Variants in PLEKHA6 observed in about 807,000 individuals in gnomAD.
PLEKHA6 encodes the protein pleckstrin homology domain-containing family A member 6.
A neutral mutation model predicts 116.7 loss-of-function variants in PLEKHA6; 60 were observed. That is an observed-to-expected ratio of 0.51 (90% CI 0.42 to 0.64). PLEKHA6 has a LOEUF of 0.64. Ranked by LOEUF, PLEKHA6 falls within the 30% of genes least tolerant of loss-of-function variation. The pLI is 0.00. For synonymous variants in PLEKHA6, 489 were observed against 556.1 expected (o/e 0.88, Z 1.70); for missense variants, 1,338 against 1,422.7 (o/e 0.94, Z 0.96).
rs1198277678 is a variant in PLEKHA6, at chr1:204,247,439, C to G, written c.1846G>C (p.Glu616Gln). 1.9e-6 allele frequency: 3 copies of G among 1,612,656 alleles called. No individual in the cohort carries two copies. The highest frequency in any genetic ancestry group is 2.7e-5 in the African/African-American group (2 of 74,874). ...ATTALTNSTI[E>Q]YEHLESEVSA... ...ACCTCAGACTCGAGGTGCTCATACTCTATGGTGCTGTTTGTCAGGGCCTAC... is the reference window on the plus strand; with the variant it reads ...ACCTCAGACTCGAGGTGCTCATACTGTATGGTGCTGTTTGTCAGGGCCTAC... The change falls in exon 13 of 23, where the codon GAG becomes CAG. Residue 616 changes from glutamate to glutamine, a missense_variant. This residue lies in a region of PLEKHA6 where 1,136 missense variants were observed against 1,163.6 expected (regional missense o/e 0.98). Coordinates refer to ENST00000272203, the MANE Select transcript of PLEKHA6 (RefSeq NM_014935.5).
At chr1:204,330,238 A>C (rs1332455258) in intron 1 of PLEKHA6, among the ~76,000 whole-genome samples, 1 of 152,164 alleles carries the variant, frequency 6.6e-6, no homozygotes, top group Non-Finnish European at 1.5e-5. Flanking sequence ...ACCTCAGATG[A>C]TCTGCCCGCC....
intron 1 of PLEKHA6, among the ~76,000 whole-genome samples, chr1:204,307,604 G>A (rs1432281482): frequency 6.6e-6 from 1 of 152,198 alleles, no homozygotes. Context: ...GAAACTGCAG[G>A]TTGGCCAAGT....
chr1:204,234,022 A>G (rs1450166023), intron 17 of PLEKHA6, among the ~76,000 whole-genome samples: 6 of 152,194 alleles, frequency 3.9e-5, no homozygotes, highest in Non-Finnish European at 7.3e-5. Context: ...ACCCCCAAAA[A>G]GAGATGTCCA....
chr1:204,285,625 G>C (rs1190917619), intron 1 of PLEKHA6, among the ~76,000 whole-genome samples: 1 of 152,132 alleles, frequency 6.6e-6, no homozygotes, highest in East Asian at 1.9e-4. Flanking sequence ...TCAGGCACGG[G>C]CCACCACGCT....
intron 1 of PLEKHA6, among the ~76,000 whole-genome samples, chr1:204,279,236 A>G (rs987303911): frequency 6.6e-6 from 1 of 152,194 alleles, no homozygotes; most frequent in Admixed American, 6.5e-5. Context: ...CTGCAAGTTA[A>G]ATTACTTCTC....
intron 1 of PLEKHA6, chr1:204,297,886 G>A: frequency 1.0e-6 from 1 of 984,950 alleles, no homozygotes; most frequent in Non-Finnish European, 1.2e-6. Flanking sequence ...ATCAATGTGA[G>A]TGATAGAGGG....
intron 5 of PLEKHA6, 48 bp downstream of exon 5, chr1:204,267,427 T>A (rs375344793): frequency 4.6e-6 from 7 of 1,516,028 alleles, no homozygotes; most frequent in Non-Finnish European, 6.4e-6. Flanking sequence ...GAAAGAGTAG[T>A]GGGTCCTGGC....
chr1:204,340,297 C>G (rs1290262751), intron 1 of PLEKHA6, among the ~76,000 whole-genome samples: 5 of 152,176 alleles, frequency 3.3e-5, no homozygotes, highest in African/African-American at 1.2e-4. Context: ...AGGACTCACA[C>G]AAAAGCCACC....
chr1:204,284,402 TG>T, intron 1 of PLEKHA6, among the ~76,000 whole-genome samples: 1 of 152,258 alleles, frequency 6.6e-6, no homozygotes, highest in South Asian at 2.1e-4. Context: ...AGGTGGATTG[TG>T]GGAAATTATG....
At chr1:204,356,955 C>T (rs1558200107) in intron 1 of PLEKHA6, among the ~76,000 whole-genome samples, 1 of 152,172 alleles carries the variant, frequency 6.6e-6, no homozygotes, top group Non-Finnish European at 1.5e-5. Flanking sequence ...AAATGTTCCT[C>T]TTGTGCTATC....
intron 1 of PLEKHA6, chr1:204,280,973 G>A (rs1558131182): frequency 2.0e-6 from 2 of 980,958 alleles, no homozygotes; most frequent in African/African-American, 1.8e-5. Context: ...GGTCAAAGAG[G>A]GTCAGGCCCT....
At chr1:204,351,267 T>C (rs1282486809) in intron 1 of PLEKHA6, among the ~76,000 whole-genome samples, 1 of 152,158 alleles carries the variant, frequency 6.6e-6, no homozygotes, top group Non-Finnish European at 1.5e-5. Context: ...CACCTTTCCC[T>C]TTGACATGTT....
upstream of PLEKHA6, among the ~76,000 whole-genome samples, chr1:204,363,599 C>A: frequency 6.6e-6 from 1 of 152,128 alleles, no homozygotes; most frequent in Non-Finnish European, 1.5e-5. Flanking sequence ...CGGCGGCTTC[C>A]GCAGGAACGC....
At chr1:204,332,759 G>A (rs764932082) in intron 1 of PLEKHA6, among the ~76,000 whole-genome samples, 3 of 152,122 alleles carry the variant, frequency 2.0e-5, no homozygotes, top group African/African-American at 7.2e-5. Flanking sequence ...GACTAATCCC[G>A]GCAGCAGTCC....
chr1:204,288,025 G>C (rs1376220828), intron 1 of PLEKHA6, among the ~76,000 whole-genome samples: 1 of 152,224 alleles, frequency 6.6e-6, no homozygotes, highest in Non-Finnish European at 1.5e-5. Context: ...CTGGCTGATA[G>C]AATGGGTATA....
chr1:204,318,668 C>G (rs2103212109), intron 1 of PLEKHA6, among the ~76,000 whole-genome samples: 2 of 152,282 alleles, frequency 1.3e-5, no homozygotes, highest in East Asian at 3.9e-4. Flanking sequence ...ATATAAAGTC[C>G]AGAGCTTTCT....
chr1:204,361,546 TCA>T (rs1673559981), upstream of PLEKHA6, among the ~76,000 whole-genome samples: 2 of 152,336 alleles, frequency 1.3e-5, no homozygotes, highest in African/African-American at 4.8e-5. Context: ...CAGGCGCAGC[TCA>T]GCAGCACTCT....
chr1:204,374,971 T>C (rs554292915), intron 1 of PLEKHA6, among the ~76,000 whole-genome samples: 14 of 152,298 alleles, frequency 9.2e-5, no homozygotes, highest in Non-Finnish European at 1.9e-4. Context: ...CCCGTTTGGC[T>C]TTTCTGCTGC....
At position 204,273,640 on chromosome 1, in the gene PLEKHA6, G is replaced by A. The variant is rs140106140; in HGVS notation, c.88C>T (p.Arg30Trp). 4.4e-4 allele frequency: 707 copies of A among 1,613,538 alleles called. No homozygotes were observed. Among genetic ancestry groups the A allele is most frequent in the Admixed American group, 5.7e-4 (34 of 60,034 alleles). The change falls in exon 3 of 23, where the codon CGG (arginine) becomes TGG (tryptophan). Residue 30 changes from arginine to tryptophan, a missense_variant. By Grantham distance (101) the Arg-to-Trp change is moderately radical (BLOSUM62 -3). This residue lies in a region of PLEKHA6 where 62 missense variants were observed against 61.7 expected (regional missense o/e 1.01). Coordinates refer to ENST00000272203, the MANE Select transcript of PLEKHA6 (RefSeq NM_014935.5). Reference sequence around the variant, plus strand: ...GCTGGACTTACCCGGACGCTGGGCCGCTCTGGAGGGACCTCGGACACCATG... The same window carrying A: ...GCTGGACTTACCCGGACGCTGGGCCACTCTGGAGGGACCTCGGACACCATG... ...HNMVSEVPPE[R>W]PSVRATRTAR...
Sources: gnomAD v4.1 joint callset for allele counts (sites outside exome capture counted in the v4.1 genomes callset) on GRCh38, gnomAD v4.1.1 for gene constraint, gnomAD v4.1.1 regional missense constraint, MANE v1.5 for transcripts, NCBI Gene and HGNC (gene_info 2026-07-23, HGNC 2026-07-21) for gene names.